Variants in MRLN observed in about 807,000 individuals in gnomAD.
MRLN encodes the protein myoregulin, also known as Linc-RNA activator of myogenesis.
At chr10:59,744,594 C>T (rs997606744) in intron 1 of MRLN, among the ~76,000 whole-genome samples, 6 of 152,212 alleles carry the variant, frequency 3.9e-5, no homozygotes, top group African/African-American at 1.4e-4. Flanking sequence ...CCAGCCGCCA[C>T]CCGGTCTGGG....
At chr10:59,742,397 A>G (rs1300768122) in intron 1 of MRLN, among the ~76,000 whole-genome samples, 1 of 152,240 alleles carries the variant, frequency 6.6e-6, no homozygotes, top group Non-Finnish European at 1.5e-5. Flanking sequence ...TATAAACTAG[A>G]AAAATAGAGT....
intron 1 of MRLN, among the ~76,000 whole-genome samples, chr10:59,741,720 C>A (rs1840986061): frequency 1.3e-5 from 2 of 152,190 alleles, no homozygotes; most frequent in Admixed American, 6.5e-5. Context: ...TGCTCTGTTA[C>A]CCAGGCTGGA....
At chr10:59,744,989 T>C in intron 1 of MRLN, 1 of 176,768 alleles carries the variant, frequency 5.7e-6, no homozygotes, top group Non-Finnish European at 1.1e-5. Flanking sequence ...AGCAGGGCCC[T>C]CTGCCTAGGA....
intron 1 of MRLN, among the ~76,000 whole-genome samples, chr10:59,750,663 G>A (rs1841092856): frequency 6.6e-6 from 1 of 152,220 alleles, no homozygotes. Flanking sequence ...TAATCAAAAT[G>A]TTATCAACCT....
At chr10:59,744,477 G>A (rs1053868357) in intron 1 of MRLN, among the ~76,000 whole-genome samples, 33 of 147,652 alleles carry the variant, frequency 2.2e-4, no homozygotes, top group African/African-American at 5.0e-4. Flanking sequence ...CAGCCGCCCC[G>A]TCCGGGAGGT....
chr10:59,748,497 TA>T (rs1372927690), intron 1 of MRLN, among the ~76,000 whole-genome samples: 1 of 152,230 alleles, frequency 6.6e-6, no homozygotes, highest in African/African-American at 2.4e-5. Flanking sequence ...GCTGTATGTT[TA>T]AATGATGGCA....
intron 1 of MRLN, among the ~76,000 whole-genome samples, chr10:59,747,378 T>G (rs1176257245): frequency 6.6e-6 from 1 of 152,238 alleles, no homozygotes; most frequent in Admixed American, 6.5e-5. Context: ...CAGTTGGCAC[T>G]TCCATAAAGT....
chr10:59,748,756 G>C (rs925162368), intron 1 of MRLN, among the ~76,000 whole-genome samples: 1 of 152,184 alleles, frequency 6.6e-6, no homozygotes, highest in South Asian at 2.1e-4. Flanking sequence ...GCAATTTTCT[G>C]ACATTTATGA....
chr10:59,750,632 C>T (rs759131427), intron 1 of MRLN, among the ~76,000 whole-genome samples: 19 of 152,170 alleles, frequency 1.2e-4, no homozygotes, highest in Admixed American at 2.6e-4. Context: ...CTGAACATTA[C>T]GAAATATTCT....
chr10:59,741,509 C>T (rs967573960), intron 1 of MRLN, among the ~76,000 whole-genome samples: 1 of 152,038 alleles, frequency 6.6e-6, no homozygotes, highest in Admixed American at 6.6e-5. Flanking sequence ...CAGCCTCCTG[C>T]GTAGCTGGGA....
At chr10:59,740,677 T>G (rs1256645793) in intron 1 of MRLN, among the ~76,000 whole-genome samples, 42 of 152,078 alleles carry the variant, frequency 2.8e-4, no homozygotes, top group Non-Finnish European at 4.4e-5. Flanking sequence ...AAGCTAAGTA[T>G]TATTATTATT....
At chr10:59,749,521 C>T (rs1055974641) in intron 1 of MRLN, among the ~76,000 whole-genome samples, 1 of 152,152 alleles carries the variant, frequency 6.6e-6, no homozygotes, top group Non-Finnish European at 1.5e-5. Context: ...TGGCAAAACC[C>T]TGCCTCTACT....
chr10:59,744,530 G>A (rs1841022275), intron 1 of MRLN, among the ~76,000 whole-genome samples: 2 of 151,482 alleles, frequency 1.3e-5, no homozygotes, highest in African/African-American at 4.8e-5. Context: ...CTGGGAGGTG[G>A]GGGAGCGCGC....
intron 1 of MRLN, among the ~76,000 whole-genome samples, chr10:59,741,348 CATTTTTTATTTTA>C (rs1447284008): frequency 6.6e-6 from 1 of 151,930 alleles, no homozygotes; most frequent in Admixed American, 6.6e-5. Context: ...TTTTACTGTA[CATTTTTTATTTTA>C]ATTTTTTATT....
At chr10:59,751,155 C>T (rs773098455) in intron 1 of MRLN, among the ~76,000 whole-genome samples, 1 of 152,112 alleles carries the variant, frequency 6.6e-6, no homozygotes, top group Non-Finnish European at 1.5e-5. Context: ...TCTTTGGAGT[C>T]AAGTTTAGCT....
At chr10:59,751,880 G>A (rs555278825) in intron 1 of MRLN, among the ~76,000 whole-genome samples, 6 of 152,110 alleles carry the variant, frequency 3.9e-5, no homozygotes, top group Non-Finnish European at 8.8e-5. Flanking sequence ...TTGGAAAGCA[G>A]GTATTGAGAC....
chr10:59,745,124 AAAAT>A (rs141710145), intron 1 of MRLN, among the ~76,000 whole-genome samples: 6,616 of 152,018 alleles, frequency 0.044, 505 homozygotes, highest in African/African-American at 0.15. Flanking sequence ...AAAAAAAAAT[AAAAT>A]AAAATAAAAA....
intron 1 of MRLN, among the ~76,000 whole-genome samples, chr10:59,750,583 T>C (rs10993993): frequency 0.02 from 3,115 of 152,346 alleles, 44 homozygotes; most frequent in Non-Finnish European, 0.031. Context: ...AGATCATACA[T>C]TGCCCCTGAG....
At chr10:59,744,157 C>T (rs570325984) in intron 1 of MRLN, 25 of 158,288 alleles carry the variant, frequency 1.6e-4, no homozygotes, top group African/African-American at 5.3e-4. Context: ...CTCTGCCTGG[C>T]CGCCCAGTCT....
Sources: gnomAD v4.1 joint callset for allele counts (sites outside exome capture counted in the v4.1 genomes callset) on GRCh38, gnomAD v4.1.1 for gene constraint, MANE v1.5 for transcripts, NCBI Gene and HGNC (gene_info 2026-07-23, HGNC 2026-07-21) for gene names.